The following ZNF536 variants were observed in gnomAD, a reference collection of about 807,000 sequenced individuals.
ZNF536 encodes the protein zinc finger protein 536.
Under a neutral mutation model 84.5 loss-of-function variants are expected in ZNF536, and 13 were observed. The observed-to-expected ratio is 0.15, with a 90% CI of 0.10 to 0.24. The LOEUF is 0.24. Ranked by LOEUF, ZNF536 falls within the 10% of genes least tolerant of loss-of-function variation. The pLI, the probability that ZNF536 is intolerant of heterozygous loss-of-function variation, is 1.00. For synonymous variants in ZNF536, 811 were observed against 742.5 expected (o/e 1.09, Z -1.50); for missense variants, 1,536 against 1,747.5 (o/e 0.88, Z 2.16).
At chr19:30,502,158 A>AGGTG (rs1471722979) in intron 2 of ZNF536, among the ~76,000 whole-genome samples, 1 of 152,216 alleles carries the variant, frequency 6.6e-6, no homozygotes, top group African/African-American at 2.4e-5. Context: ...CATCAGTCCT[A>AGGTG]GGTGTTATGT....
chr19:30,316,748 A>C (rs1375954644), intron 2 of ZNF536, among the ~76,000 whole-genome samples: 1 of 152,170 alleles, frequency 6.6e-6, no homozygotes, highest in Non-Finnish European at 1.5e-5. Flanking sequence ...ACTTTTGGGA[A>C]GGTCTTCAAC....
intron 2 of ZNF536, among the ~76,000 whole-genome samples, chr19:30,493,601 TC>T (rs1568484451): frequency 6.6e-6 from 1 of 152,172 alleles, no homozygotes; most frequent in African/African-American, 2.4e-5. Context: ...GTCTTCCCCA[TC>T]ACTCGGGGCA....
chr19:30,642,824 T>C (rs2049313778), intron 1 of ZNF536, among the ~76,000 whole-genome samples: 1 of 152,140 alleles, frequency 6.6e-6, no homozygotes, highest in Admixed American at 6.5e-5. Flanking sequence ...CAAATATCGG[T>C]AGACTTGGAT....
intron 1 of ZNF536, among the ~76,000 whole-genome samples, chr19:30,260,129 A>G (rs1385699389): frequency 6.6e-6 from 1 of 152,122 alleles, no homozygotes; most frequent in East Asian, 1.9e-4. Context: ...CAAGTTTACC[A>G]GTTGATCATT....
At chr19:30,660,848 T>C (rs1227385501) in intron 1 of ZNF536, among the ~76,000 whole-genome samples, 4 of 152,234 alleles carry the variant, frequency 2.6e-5, no homozygotes, top group Non-Finnish European at 5.9e-5. Context: ...ATGTTCATTT[T>C]ATAGATAAAT....
chr19:30,689,587 G>A (rs544376068), intron 1 of ZNF536, among the ~76,000 whole-genome samples: 30 of 152,326 alleles, frequency 2.0e-4, no homozygotes, highest in African/African-American at 6.7e-4. Flanking sequence ...TTATCAAAAT[G>A]AGGAGATTCC....
chr19:30,626,491 A>G (rs1394932553), intron 1 of ZNF536, among the ~76,000 whole-genome samples: 1 of 152,116 alleles, frequency 6.6e-6, no homozygotes, highest in African/African-American at 2.4e-5. Context: ...CATCGGCCAG[A>G]GTGCTGGCAA....
At chr19:30,271,157 T>C (rs2145460964) in intron 1 of ZNF536, among the ~76,000 whole-genome samples, 1 of 152,320 alleles carries the variant, frequency 6.6e-6, no homozygotes, top group South Asian at 2.1e-4. Context: ...AAAGAGGGGC[T>C]GTCAGCAGCT....
intron 2 of ZNF536, among the ~76,000 whole-genome samples, chr19:30,322,493 T>C (rs924143222): frequency 1.3e-5 from 2 of 152,178 alleles, no homozygotes; most frequent in African/African-American, 4.8e-5. Context: ...CTAAGGACTC[T>C]GCAGGCGCCT....
At chr19:30,367,147 A>G (rs1254753336) in intron 3 of ZNF536, among the ~76,000 whole-genome samples, 1 of 152,204 alleles carries the variant, frequency 6.6e-6, no homozygotes, top group Non-Finnish European at 1.5e-5. Context: ...CATGGAAGAA[A>G]GTCTGACCTC....
chr19:30,274,831 G>A (rs1334913527), intron 1 of ZNF536, among the ~76,000 whole-genome samples: 1 of 152,178 alleles, frequency 6.6e-6, no homozygotes, highest in Non-Finnish European at 1.5e-5. Context: ...CAACTCTCCA[G>A]TTTCCAGTTA....
intron 2 of ZNF536, among the ~76,000 whole-genome samples, chr19:30,484,869 C>T (rs896552211): frequency 1.3e-5 from 2 of 151,820 alleles, no homozygotes; most frequent in Admixed American, 6.6e-5. Flanking sequence ...TGTTGCCGGG[C>T]GCGGTGGCTC....
chr19:30,634,036 C>T (rs370095197), intron 1 of ZNF536, among the ~76,000 whole-genome samples: 2 of 152,178 alleles, frequency 1.3e-5, no homozygotes, highest in South Asian at 4.2e-4. Flanking sequence ...CCCCTGCCCC[C>T]ACCTCCGTCG....
At chr19:30,464,320 C>T (rs1316870233) in intron 2 of ZNF536, among the ~76,000 whole-genome samples, 1 of 152,186 alleles carries the variant, frequency 6.6e-6, no homozygotes, top group Non-Finnish European at 1.5e-5. Flanking sequence ...ATTCTGCAGC[C>T]AGCTGGGGGT....
intron 2 of ZNF536, among the ~76,000 whole-genome samples, chr19:30,472,444 G>A (rs533106877): frequency 7.9e-5 from 12 of 152,240 alleles, no homozygotes; most frequent in Admixed American, 5.2e-4. Context: ...GACTCCCGTA[G>A]CCAGAGAAAG....
intron 1 of ZNF536, among the ~76,000 whole-genome samples, chr19:30,679,306 T>C (rs189643553): frequency 1.3e-3 from 194 of 152,308 alleles, no homozygotes; most frequent in African/African-American, 4.3e-3. Context: ...GAGAGCAATT[T>C]TGGAGCCCGC....
rs1399075599 is a variant in ZNF536 at position 30,430,548 on chromosome 19, G to A, written c.-2-13013G>A. On this transcript the variant is annotated intron_variant, in intron 1 of 4. Transcript: ENST00000355537. ...CTCTGGACCGGGACCTGACATATCA[G>A]GGAGGGCTTCCTGGAAGAAGTGGTA... Among the ~76,000 whole-genome samples, 6 of 152,334 alleles carry A rather than the reference G, an allele frequency of 3.9e-5. No homozygotes were observed. The East Asian group carries it at 1.2e-3, about 29-fold the overall frequency.
intron 1 of ZNF536, among the ~76,000 whole-genome samples, chr19:30,424,566 T>A (rs189527343): frequency 6.6e-6 from 1 of 152,072 alleles, no homozygotes; most frequent in East Asian, 1.9e-4. Flanking sequence ...CAGGGACGTT[T>A]GGCTGTAGAT....
intron 1 of ZNF536, among the ~76,000 whole-genome samples, chr19:30,277,938 C>T (rs1461367531): frequency 6.6e-6 from 1 of 152,200 alleles, no homozygotes; most frequent in Non-Finnish European, 1.5e-5. Context: ...ATGACCCTGA[C>T]AGCAAGAACC....
Sources: allele counts gnomAD v4.1 joint callset (sites outside exome capture counted in the v4.1 genomes callset), GRCh38; gene constraint gnomAD v4.1.1; transcripts MANE v1.5; gene names NCBI Gene and HGNC (gene_info 2026-07-23, HGNC 2026-07-21).